The following EP400 variants were observed in gnomAD, a reference collection of about 807,000 sequenced individuals.
The protein encoded by EP400 is E1A binding protein p400, also known as E1A-binding protein p400.
EP400 carries 105 observed loss-of-function variants against 354.1 expected under a neutral mutation model. The observed-to-expected ratio is 0.30, with a 90% CI of 0.25 to 0.35. The LOEUF is 0.35. EP400 is among the 10% of genes least tolerant of loss of function. The pLI is 1.00. For missense variants in EP400, 3,280 were observed against 4,121.0 expected (o/e 0.80, Z 5.59); for synonymous variants, 1,646 against 1,716.9 (o/e 0.96, Z 1.02).
Position 132,038,063 on chromosome 12 carries a change from C to G in EP400, c.6174C>G (p.Thr2058=), listed in dbSNP as rs762031460. Reference sequence around the variant, plus strand: ...CTCAGGAACCTTCTGTCACGGAAACCATTGCACCCAAAATTGCAAGACCTT... The same window carrying G: ...CTCAGGAACCTTCTGTCACGGAAACGATTGCACCCAAAATTGCAAGACCTT... The part of the protein sequence containing the change: ...VLSQEPSVTE[T]IAPKIARPFI... The change falls in exon 32 of 53, where the codon ACC becomes ACG. Residue 2058 remains threonine, a synonymous_variant. Transcript: ENST00000389561. This position sits in a 1 kb window ranked among gnomAD's most constrained non-coding sequence, Gnocchi z 4.2. 6.2e-7 allele frequency: 1 copy of G among 1,614,192 alleles called. No homozygotes were observed. Among genetic ancestry groups the G allele is most frequent in the East Asian group, 2.2e-5 (1 of 44,870 alleles).
chr12:132,016,546 A>G (rs1456488143), intron 19 of EP400, among the ~76,000 whole-genome samples: 1 of 151,668 alleles, frequency 6.6e-6, no homozygotes, highest in Admixed American at 6.6e-5. Context: ...TTTTTTTTGC[A>G]TTTTTAGTAG....
intron 2 of EP400, among the ~76,000 whole-genome samples, chr12:131,976,717 C>T (rs1183841830): frequency 6.6e-6 from 1 of 151,934 alleles, no homozygotes; most frequent in Non-Finnish European, 1.5e-5. Context: ...CTCAAAAAAA[C>T]AAAAAACAAA....
chr12:131,955,735 C>T (rs1168065695), intron 1 of EP400, among the ~76,000 whole-genome samples: 1 of 151,954 alleles, frequency 6.6e-6, no homozygotes, highest in African/African-American at 2.4e-5. Flanking sequence ...TCCTCCACCT[C>T]CCAGGTTCAA....
Position 132,045,290 on chromosome 12 carries a change from C to T in EP400, c.6785-29C>T, listed in dbSNP as rs375408968. The T allele has an allele frequency of 6.2e-6, 10 of 1,612,146 alleles. No homozygotes were observed. The African/African-American group carries it at 8.0e-5, about 13-fold the overall frequency. ...CCCGTGTGGAATCTCCTGGTTTACTCTCTTGCTGAAGACTGCCTCTCTGTT... is the reference window on the plus strand; with the variant it reads ...CCCGTGTGGAATCTCCTGGTTTACTTTCTTGCTGAAGACTGCCTCTCTGTT... On this transcript the variant is annotated intron_variant, in intron 37 of 52. Transcript: ENST00000389561.
At chr12:131,956,576 T>C (rs557323912) in intron 1 of EP400, among the ~76,000 whole-genome samples, 1 of 152,284 alleles carries the variant, frequency 6.6e-6, no homozygotes, top group African/African-American at 2.4e-5. Context: ...CCAAAGGTTT[T>C]GGGGTCACAT....
chr12:132,045,039 G>A (rs1593370422), intron 37 of EP400, 86 bp downstream of exon 37: 4 of 1,320,552 alleles, frequency 3.0e-6, no homozygotes, highest in Non-Finnish European at 4.0e-6. Flanking sequence ...CTGTCTGCCT[G>A]TCTGCTGTCT....
chr12:132,032,161 C>T lies in EP400; in HGVS notation c.5951+12C>T. ...ATCCACATATACAGGTGAGGGCCTG[C>T]GGGGGATAGGATCAGGAGATGCAAA... On this transcript the variant is annotated intron_variant, in intron 30 of 52. Coordinates refer to ENST00000389561, the MANE Select transcript of EP400 (RefSeq NM_015409.5). 3.1e-6 allele frequency: 5 copies of T among 1,605,262 alleles called. No homozygotes were observed. The highest frequency in any genetic ancestry group is 2.2e-5 in the South Asian group (2 of 90,138).
rs746152990 is a variant in EP400 at position 131,990,360 on chromosome 12, T to C, written c.2550+256T>C. Among the ~76,000 whole-genome samples, 12 of 152,174 alleles carry C rather than the reference T, an allele frequency of 7.9e-5. No individual in the cohort carries two copies. Among genetic ancestry groups the C allele is most frequent in the Non-Finnish European group, 2.9e-5 (2 of 68,030 alleles). On this transcript the variant is annotated intron_variant, in intron 8 of 52. Transcript: ENST00000389561. This position sits in a 1 kb window ranked among gnomAD's most constrained non-coding sequence, Gnocchi z 4.2. Reference sequence around the variant, plus strand: ...TCATGCCGTGGAGGGGCTCTGGGCATTGTTTCAGGGTTAGCGTGAGTCACC... The same window carrying C: ...TCATGCCGTGGAGGGGCTCTGGGCACTGTTTCAGGGTTAGCGTGAGTCACC...
In EP400 at chr12:131,982,128, G is replaced by C; in HGVS notation, c.1579G>C (p.Ala527Pro). 1 of 1,569,568 alleles carries C rather than the reference G, an allele frequency of 6.4e-7. No homozygotes were observed. The highest frequency in any genetic ancestry group is 1.1e-5 in the South Asian group (1 of 87,466). Residue 527 changes from alanine to proline, a missense_variant, in exon 5 of 53, where the codon GCT becomes CCT. Ala to Pro is a conservative substitution (Grantham distance 27). Coordinates refer to ENST00000389561, the MANE Select transcript of EP400 (RefSeq NM_015409.5). Reference protein sequence around the residue: ...MPPTPQAAQLAGQRQSQQQYD... With the variant: ...MPPTPQAAQLPGQRQSQQQYD... ...CCCCACGCCGCAGGCCGCGCAGCTC[G>C]CTGGACAGAGGCAGAGTCAGCAGCA...
chr12:132,060,929 A>G (rs1284295390), intron 45 of EP400, among the ~76,000 whole-genome samples: 172 of 143,148 alleles, frequency 1.2e-3, no homozygotes, highest in African/African-American at 4.3e-3. Flanking sequence ...AAAAAAAAAA[A>G]CAAAAAACAA....
intron 47 of EP400, among the ~76,000 whole-genome samples, chr12:132,064,381 C>T (rs1410013561): frequency 6.6e-6 from 1 of 152,218 alleles, no homozygotes; most frequent in Admixed American, 6.5e-5. Context: ...TTGGTTGGTG[C>T]TACAGATTTA....
intron 11 of EP400, 144 bp downstream of exon 11, chr12:131,992,374 G>T (rs926793592): frequency 4.5e-5 from 34 of 760,208 alleles, no homozygotes; most frequent in Non-Finnish European, 7.0e-5. Flanking sequence ...GTCTCTCAGT[G>T]TATAGAGTAC....
chr12:132,015,662 A>G (rs1333597735), intron 19 of EP400, among the ~76,000 whole-genome samples: 2 of 152,188 alleles, frequency 1.3e-5, no homozygotes, highest in Non-Finnish European at 2.9e-5. Flanking sequence ...GTCTTAGGCC[A>G]GCTTTGTGGC....
At chr12:131,992,279 A>C in intron 11 of EP400, 49 bp downstream of exon 11, 1 of 1,550,176 alleles carries the variant, frequency 6.5e-7, no homozygotes, top group Non-Finnish European at 8.8e-7. Context: ...GCTGCTGATG[A>C]GATGACACAG....
chr12:132,050,478 C>G lies in EP400; in HGVS notation c.7337+19C>G. ...AACCTCTGTATGTTTCCTGAGTGCTCATTTTATGTTCATTATGACTGAGTA... is the reference window on the plus strand; with the variant it reads ...AACCTCTGTATGTTTCCTGAGTGCTGATTTTATGTTCATTATGACTGAGTA... On this transcript the variant is annotated intron_variant, in intron 40 of 52. Coordinates refer to ENST00000389561, the MANE Select transcript of EP400 (RefSeq NM_015409.5). The surrounding 1 kb of genome is among the most constrained non-coding windows in gnomAD (Gnocchi z 4.8). 6.2e-7 allele frequency: 1 copy of G among 1,614,010 alleles called. No individual in the cohort carries two copies. The highest frequency in any genetic ancestry group is 8.5e-7 in the Non-Finnish European group (1 of 1,179,966).
chr12:132,013,936 T>G lies in EP400; in HGVS notation c.3923+23T>G. ...TGGGTGAGTGTGGGCTCTGGGCATG[T>G]GCCCCCTTTGCTGTCCCTGCCTGTG... On this transcript the variant is annotated intron_variant, in intron 19 of 52. Transcript: ENST00000389561. The surrounding 1 kb of genome is among the most constrained non-coding windows in gnomAD (Gnocchi z 4.5). 1 of 1,611,796 alleles carries G rather than the reference T, an allele frequency of 6.2e-7. No homozygotes were observed. The highest frequency in any genetic ancestry group is 8.5e-7 in the Non-Finnish European group (1 of 1,179,066).
At chr12:132,057,363 A>T (rs1415048227) in intron 45 of EP400, among the ~76,000 whole-genome samples, 2 of 152,240 alleles carry the variant, frequency 1.3e-5, no homozygotes, top group Non-Finnish European at 1.5e-5. Flanking sequence ...ATACATCTCC[A>T]TGGAGGACTC....
chr12:132,028,734 G>T (rs901506408), intron 27 of EP400, among the ~76,000 whole-genome samples: 2 of 152,092 alleles, frequency 1.3e-5, no homozygotes, highest in Non-Finnish European at 1.5e-5. Context: ...GTGGGCACCC[G>T]GCCGCTCTCA....
intron 4 of EP400, among the ~76,000 whole-genome samples, 196 bp downstream of exon 4, chr12:131,981,792 T>C (rs1425251900): frequency 6.6e-6 from 1 of 152,230 alleles, no homozygotes; most frequent in African/African-American, 2.4e-5. Context: ...GCCACACTAA[T>C]GGGAGCCACA....
Sources: gnomAD v4.1 joint callset for allele counts (sites outside exome capture counted in the v4.1 genomes callset) on GRCh38, gnomAD v4.1.1 for gene constraint, Gnocchi (gnomAD v3.1) non-coding constraint, MANE v1.5 for transcripts, NCBI Gene and HGNC (gene_info 2026-07-23, HGNC 2026-07-21) for gene names.